Variants in GPR153 observed in about 807,000 individuals in gnomAD.
The protein encoded by GPR153 is probable G protein-coupled receptor 153.
A neutral mutation model predicts 34.1 loss-of-function variants in GPR153; 27 were observed. The ratio of observed to expected loss-of-function variants is 0.79; its 90% CI spans 0.58 to 1.09. The LOEUF (loss-of-function observed/expected upper bound fraction) is 1.09, where lower values mean the gene tolerates loss of function less well. Ranked by LOEUF, GPR153 falls within the 50% of genes least tolerant of loss-of-function variation. The pLI is 0.00. For synonymous variants in GPR153, 408 were observed against 405.4 expected (o/e 1.01, Z -0.08); for missense variants, 848 against 860.2 (o/e 0.99, Z 0.18).
chr1:6,250,340 C>T, intron 5 of GPR153, 100 bp downstream of exon 5: 1 of 1,459,448 alleles, frequency 6.9e-7, no homozygotes. Context: ...ACCCCTGCGA[C>T]TGCAGAAGGC....
In GPR153 at chr1:6,248,226, G is replaced by T. The variant is rs1047181902; in HGVS notation, c.*1112C>A. 6.6e-6 allele frequency: 1 copy of T among 152,316 alleles called. No individual in the cohort carries two copies. The highest frequency in any genetic ancestry group is 1.5e-5 in the Non-Finnish European group (1 of 68,108). 9.4% of individuals were successfully genotyped at this position (152,316 alleles called of 1,614,324 possible). Reference sequence around the variant, plus strand: ...GGGTCTGCCCAGGATGGAAGGCAAAGAAATACATTGCTCCCAGGGGTTGGA... The same window carrying T: ...GGGTCTGCCCAGGATGGAAGGCAAATAAATACATTGCTCCCAGGGGTTGGA... On this transcript the variant is annotated 3_prime_UTR_variant, in exon 6 of 6. Coordinates refer to ENST00000377893, the MANE Select transcript of GPR153 (RefSeq NM_207370.4).
At position 6,248,523 on chromosome 1, in the gene GPR153, G is replaced by C. The variant is rs1167934778; in HGVS notation, c.*815C>G. ...CAAGGTGGCTCAGGTGCCATTGGTG[G>C]TGGTCCACAGTGTTGTGCTTAGCTG... is the stretch of plus-strand genomic sequence containing the variant. On this transcript the variant is annotated 3_prime_UTR_variant, in exon 6 of 6. Transcript: ENST00000377893. The C allele has an allele frequency of 6.6e-6, 1 of 152,456 alleles. No homozygotes were observed. Among genetic ancestry groups the C allele is most frequent in the Non-Finnish European group, 1.5e-5 (1 of 68,184 alleles). 9.4% of individuals were successfully genotyped at this position (152,456 alleles called of 1,614,324 possible).
At chr1:6,254,446 T>A (rs2100989698) in intron 2 of GPR153, 104 bp downstream of exon 2, 1 of 1,065,854 alleles carries the variant, frequency 9.4e-7, no homozygotes, top group East Asian at 2.4e-5. Context: ...CCTCCCAGCA[T>A]GCCACAGGTG....
intron 1 of GPR153, among the ~76,000 whole-genome samples, chr1:6,255,648 T>TG (rs1553152906): frequency 4.3e-4 from 51 of 117,706 alleles, no homozygotes; most frequent in African/African-American, 2.0e-3. Flanking sequence ...CTACGTTTTT[T>TG]TTTTTTTTTT....
intron 1 of GPR153, among the ~76,000 whole-genome samples, chr1:6,257,459 A>G (rs1225084270): frequency 6.6e-6 from 1 of 152,212 alleles, no homozygotes; most frequent in Admixed American, 6.5e-5. Flanking sequence ...GCCCCCACAC[A>G]GCAGCGGTGT....
intron 4 of GPR153, among the ~76,000 whole-genome samples, chr1:6,250,986 GA>G (rs1447344636): frequency 6.6e-6 from 1 of 152,122 alleles, no homozygotes; most frequent in Non-Finnish European, 1.5e-5. Context: ...ATCCAGACAG[GA>G]CCTCGGTCTG....
chr1:6,255,453 T>A (rs994251615), intron 1 of GPR153, among the ~76,000 whole-genome samples: 1 of 151,658 alleles, frequency 6.6e-6, no homozygotes, highest in Non-Finnish European at 1.5e-5. Flanking sequence ...CGCCTCGGCC[T>A]CCCAAAGTGC....
At chr1:6,252,419 G>C (rs970341725) in intron 3 of GPR153, among the ~76,000 whole-genome samples, 1 of 152,088 alleles carries the variant, frequency 6.6e-6, no homozygotes, top group Admixed American at 6.6e-5. Flanking sequence ...CCCCACCACT[G>C]CCCCCACTCT....
chr1:6,260,608 T>C (rs1638654918), intron 1 of GPR153, among the ~76,000 whole-genome samples: 1 of 151,752 alleles, frequency 6.6e-6, no homozygotes, highest in South Asian at 2.1e-4. Context: ...GCGGCGCTGC[T>C]AGGCCCCGAT....
chr1:6,259,930 C>T (rs1212640834), intron 1 of GPR153, among the ~76,000 whole-genome samples: 1 of 151,566 alleles, frequency 6.6e-6, no homozygotes, highest in African/African-American at 2.4e-5. Context: ...GCACTTAAAG[C>T]CCTGTCTTCT....
chr1:6,258,019 G>A (rs965486109), intron 1 of GPR153, among the ~76,000 whole-genome samples: 2 of 152,220 alleles, frequency 1.3e-5, no homozygotes, highest in Non-Finnish European at 2.9e-5. Context: ...CCCCAGAGAG[G>A]AAGTATCTCC....
At chr1:6,250,076 G>C in intron 5 of GPR153, 73 bp from the exon 6 acceptor site, 1 of 1,275,430 alleles carries the variant, frequency 7.8e-7, no homozygotes, top group Non-Finnish European at 9.9e-7. Context: ...CTCCACCCTG[G>C]GGAAAGGCCT....
chr1:6,249,464 C>T lies in GPR153; in HGVS notation c.1704G>A (p.Ser568=), dbSNP rs1247584528. The T allele has an allele frequency of 3.0e-6, 4 of 1,333,230 alleles. No individual in the cohort carries two copies. The highest frequency in any genetic ancestry group is 3.8e-6 in the Non-Finnish European group (4 of 1,048,262). The allele number at this position is 1,333,230 out of a possible 1,614,324, so 82.6% of individuals were successfully genotyped here. A position where few individuals can be genotyped will look rare whatever the true frequency, so the allele number is the denominator to read the frequency against. The change falls in exon 6 of 6, where the codon TCG becomes TCA. Residue 568 remains serine, a synonymous_variant. Transcript: ENST00000377893. This position sits in a 1 kb window ranked among gnomAD's most constrained non-coding sequence, Gnocchi z 4.3. ...CGCGCAGCCCCCCGGGCTCGCCCCA[C>T]GACGCGCTCAGGCCGGGGCGCAGAG... ...AGSLRPGLSA[S]WGEPGGLRAA... is the part of the protein sequence containing the mutation.
At chr1:6,258,714 C>G (rs1041987426) in intron 1 of GPR153, among the ~76,000 whole-genome samples, 2 of 152,224 alleles carry the variant, frequency 1.3e-5, no homozygotes, top group Non-Finnish European at 2.9e-5. Flanking sequence ...AGGTCAGCAT[C>G]TATTTCTACC....
Position 6,250,632 on chromosome 1 carries a change from G to C in GPR153, c.980-8C>G. 1 of 238,972 alleles carries C rather than the reference G, an allele frequency of 4.2e-6. No homozygotes were observed. 14.8% of individuals were successfully genotyped at this position (238,972 alleles called of 1,614,324 possible). On this transcript the variant is annotated splice_polypyrimidine_tract_variant and splice_region_variant and intron_variant, in intron 4 of 5. Transcript: ENST00000377893. The stretch of plus-strand genomic sequence containing the variant: ...CACCTTCCAGGCTGGTCTCTGTAGG[G>C]TGGGGGGTGGGTGGGGGGGCAGAGC...
rs953941234 is a variant in GPR153, at chr1:6,249,610, C to T, written c.1558G>A (p.Gly520Arg). Reference protein sequence around the residue: ...CEPQALRRPPGPFPAAPAAPD... With the variant: ...CEPQALRRPPRPFPAAPAAPD... ...GCGGCGGGCGCAGCGGGGAAGGGCC[C>T]GGGCGGGCGGCGCAGGGCCTGTGGC... is the stretch of plus-strand genomic sequence containing the variant. Residue 520 changes from glycine (G) to arginine (R), a missense_variant, in exon 6 of 6, where the codon GGG (glycine) becomes AGG (arginine). Physicochemically the swap from Gly to Arg is moderately radical, Grantham distance 125 (BLOSUM62 -2). Transcript: ENST00000377893. The surrounding 1 kb of genome is among the most constrained non-coding windows in gnomAD (Gnocchi z 4.3). The T allele has an allele frequency of 1.8e-6, 2 of 1,128,672 alleles. No homozygotes were observed. The highest frequency in any genetic ancestry group is 2.2e-6 in the Non-Finnish European group (2 of 922,716). The allele number at this position is 1,128,672 out of a possible 1,614,324, so 69.9% of individuals were successfully genotyped here. A position where few individuals can be genotyped will look rare whatever the true frequency, so the allele number is the denominator to read the frequency against.
At chr1:6,250,967 G>A (rs889257704) in intron 4 of GPR153, among the ~76,000 whole-genome samples, 8 of 152,146 alleles carry the variant, frequency 5.3e-5, no homozygotes, top group African/African-American at 1.7e-4. Context: ...TGGGATTGCT[G>A]GTAACGGTAT....
In GPR153 at chr1:6,253,703, G is replaced by A. The variant is rs1278125318; in HGVS notation, c.786+15C>T. 4.0e-6 allele frequency: 6 copies of A among 1,515,190 alleles called. No homozygotes were observed. Among genetic ancestry groups the A allele is most frequent in the African/African-American group, 1.4e-5 (1 of 71,596 alleles). 93.9% of individuals were successfully genotyped at this position (1,515,190 alleles called of 1,614,324 possible). ...GTCCCAGAGACAGGCCCCTCTACCC[G>A]ACGCCGTCACCCACCAGCACAGGGA... On this transcript the variant is annotated intron_variant, in intron 3 of 5. Transcript: ENST00000377893.
In GPR153 at chr1:6,253,765, TCACGAGG is replaced by T; in HGVS notation, c.732_738del (p.Leu245ProfsTer3). 6.5e-7 allele frequency: 1 copy of T among 1,542,438 alleles called. No homozygotes were observed. Among genetic ancestry groups the T allele is most frequent in the African/African-American group, 1.4e-5 (1 of 72,938 alleles). ...CAGTCGTAGATGAAGACTATGGTGG[TCACGAGG>T]CCCGTGGTCTGCAGAGAGGTTTTGG... On this transcript the variant is annotated frameshift_variant, in exon 3 of 6. Transcript: ENST00000377893. LOFTEE classifies it high-confidence loss of function.
Sources: allele counts gnomAD v4.1 joint callset (sites outside exome capture counted in the v4.1 genomes callset), GRCh38; gene constraint gnomAD v4.1.1; non-coding constraint Gnocchi (gnomAD v3.1); transcripts MANE v1.5; gene names NCBI Gene and HGNC (gene_info 2026-07-23, HGNC 2026-07-21).